Variants in GXYLT2 observed in about 807,000 individuals in gnomAD.
The protein encoded by GXYLT2 is glycosyltransferase 8 domain containing 4.
In GXYLT2, 53 loss-of-function variants were observed where a neutral mutation model predicts 45.8. That is an observed-to-expected ratio of 1.16 (90% confidence interval 0.93 to 1.46). The LOEUF (loss-of-function observed/expected upper bound fraction) is 1.46. GXYLT2 is among the 40% of genes most tolerant of loss of function. The pLI is 0.00. For missense variants in GXYLT2, 551 were observed against 544.4 expected, an observed-to-expected ratio of 1.01 and a Z score of -0.12; for synonymous variants, 219 against 214.2, an observed-to-expected ratio of 1.02 and a Z score of -0.19.
intron 1 of GXYLT2, among the ~76,000 whole-genome samples, chr3:72,899,136 T>C (rs1420092223): frequency 6.6e-6 from 1 of 152,200 alleles, no homozygotes; most frequent in Admixed American, 6.5e-5. Flanking sequence ...ATCCTTGCTG[T>C]GACACTTACT....
At chr3:72,931,067 G>T (rs1453960224) in intron 3 of GXYLT2, among the ~76,000 whole-genome samples, 1 of 152,080 alleles carries the variant, frequency 6.6e-6, no homozygotes, top group South Asian at 2.1e-4. Context: ...ACCATATGTT[G>T]TACCATAAAA....
chr3:72,904,988 G>T (rs1459249457), intron 1 of GXYLT2, among the ~76,000 whole-genome samples: 1 of 145,424 alleles, frequency 6.9e-6, no homozygotes, highest in Non-Finnish European at 1.5e-5. Flanking sequence ...AATGGAGGTT[G>T]CAGTGAGCTG....
At chr3:72,909,381 C>A (rs1160680940) in intron 2 of GXYLT2, among the ~76,000 whole-genome samples, 1 of 151,122 alleles carries the variant, frequency 6.6e-6, no homozygotes, top group Non-Finnish European at 1.5e-5. Flanking sequence ...GTTTTTTTTT[C>A]CCCATATATA....
intron 6 of GXYLT2, among the ~76,000 whole-genome samples, chr3:72,968,775 A>T (rs1253431632): frequency 6.6e-6 from 1 of 151,732 alleles, no homozygotes; most frequent in South Asian, 2.1e-4. Flanking sequence ...AAAATACAAA[A>T]ATTAGGCTTG....
At chr3:72,935,185 TAAAG>T (rs1428921262) in intron 3 of GXYLT2, among the ~76,000 whole-genome samples, 1 of 152,080 alleles carries the variant, frequency 6.6e-6, no homozygotes, top group Non-Finnish European at 1.5e-5. Flanking sequence ...CAATATGTAT[TAAAG>T]AAGCATGGGA....
rs946986828 is a variant in GXYLT2 at position 72,929,046 on chromosome 3, C to G, written c.600+6711C>G. The G allele has an allele frequency of 8.3e-6, 13 of 1,566,666 alleles. No homozygotes were observed. The African/African-American group carries it at 1.1e-4, about 13-fold the overall frequency. ...CGCCTCTCCTTAGCCGCCGCCGTGA[C>G]GACCGCGTCCACCTCGCAGGTGCGC... On this transcript the variant is annotated intron_variant, in intron 3 of 6. Transcript: ENST00000389617.
intron 5 of GXYLT2, among the ~76,000 whole-genome samples, chr3:72,960,494 C>G (rs1710747180): frequency 6.6e-6 from 1 of 152,216 alleles, no homozygotes; most frequent in Non-Finnish European, 1.5e-5. Context: ...CTTCACTCTC[C>G]ATCTGAGATC....
chr3:72,922,841 C>T (rs1162162814), intron 3 of GXYLT2, among the ~76,000 whole-genome samples: 4 of 152,138 alleles, frequency 2.6e-5, no homozygotes, highest in African/African-American at 7.2e-5. Flanking sequence ...ATCTTGAGGC[C>T]GGCATGGCGG....
At position 72,908,422 on chromosome 3, in the gene GXYLT2, C is replaced by T. The variant is rs1709549082; in HGVS notation, c.331C>T (p.His111Tyr). 6.2e-7 allele frequency: 1 copy of T among 1,613,888 alleles called. No homozygotes were observed. The highest frequency in any genetic ancestry group is 8.5e-7 in the Non-Finnish European group (1 of 1,179,858). The change falls in exon 2 of 7, where the codon CAC (histidine) becomes TAC (tyrosine). Residue 111 changes from histidine to tyrosine, a missense_variant. Physicochemically the swap from His to Tyr is moderately conservative, Grantham distance 83. Transcript: ENST00000389617. Reference sequence around the variant, plus strand: ...TGTGCTGCCACCCGAGCTCTGGATCCACCTGGCTGTGGTGGCCTGTGGCAA... The same window carrying T: ...TGTGCTGCCACCCGAGCTCTGGATCTACCTGGCTGTGGTGGCCTGTGGCAA... ...QAVLPPELWI[H>Y]LAVVACGNRL... is the part of the protein sequence containing the mutation.
intron 2 of GXYLT2, among the ~76,000 whole-genome samples, chr3:72,915,828 G>A (rs1017567873): frequency 2.0e-5 from 3 of 150,550 alleles, no homozygotes; most frequent in Non-Finnish European, 4.4e-5. Context: ...GGGAGACCCT[G>A]TCTCAAAAAA....
intron 3 of GXYLT2, among the ~76,000 whole-genome samples, chr3:72,949,507 T>C (rs1057398225): frequency 2.8e-5 from 3 of 108,880 alleles, no homozygotes; most frequent in African/African-American, 1.2e-4. Context: ...TTTTTCTTTT[T>C]TTTTTTTTTT....
At chr3:72,902,994 A>G (rs906316199) in intron 1 of GXYLT2, among the ~76,000 whole-genome samples, 6 of 152,236 alleles carry the variant, frequency 3.9e-5, no homozygotes, top group Non-Finnish European at 8.8e-5. Context: ...CCTTTGCCAC[A>G]GGGTGAGACT....
chr3:72,928,925 G>T, intron 3 of GXYLT2: 2 of 711,592 alleles, frequency 2.8e-6, no homozygotes, highest in Non-Finnish European at 2.5e-6. Context: ...CCCCCATCCC[G>T]GCCGGCCGCC....
intron 1 of GXYLT2, among the ~76,000 whole-genome samples, chr3:72,906,286 G>A (rs1230340584): frequency 6.6e-6 from 1 of 152,066 alleles, no homozygotes; most frequent in Admixed American, 6.6e-5. Flanking sequence ...CCTTTGTTCT[G>A]CTGTCCCCTC....
At chr3:72,888,820 T>G (rs1466474377) in intron 1 of GXYLT2, among the ~76,000 whole-genome samples, 1 of 152,232 alleles carries the variant, frequency 6.6e-6, no homozygotes, top group Non-Finnish European at 1.5e-5. Context: ...GTTTAATTTG[T>G]CAAAAGCCAT....
rs779353758 is a variant in GXYLT2, at chr3:72,967,618, G to C, written c.1048G>C (p.Glu350Gln). Residue 350 changes from glutamate to glutamine, a missense_variant, in exon 6 of 7, where the codon GAG (glutamate) becomes CAG (glutamine). Coordinates refer to ENST00000389617, the MANE Select transcript of GXYLT2 (RefSeq NM_001080393.2). ...CTGCATGTACGGAAGCAACTGCAGA[G>C]AGGCTGAGCATGAAGGTGTGTCTGT... is the stretch of plus-strand genomic sequence containing the variant. Reference protein sequence around the residue: ...DHCMYGSNCREAEHEGVSVLH... With the variant: ...DHCMYGSNCRQAEHEGVSVLH... The C allele has an allele frequency of 1.2e-6, 2 of 1,613,948 alleles. No homozygotes were observed. The highest frequency in any genetic ancestry group is 1.7e-6 in the Non-Finnish European group (2 of 1,179,850).
At chr3:72,951,656 T>A (rs1710528084) in intron 3 of GXYLT2, among the ~76,000 whole-genome samples, 2 of 152,168 alleles carry the variant, frequency 1.3e-5, no homozygotes, top group Non-Finnish European at 2.9e-5. Flanking sequence ...GATGTACCCT[T>A]AGGGCTACTT....
At chr3:72,970,188 TA>T (rs1398685596) in intron 6 of GXYLT2, among the ~76,000 whole-genome samples, 2 of 149,520 alleles carry the variant, frequency 1.3e-5, no homozygotes, top group Non-Finnish European at 3.0e-5. Context: ...CCATCTCTAC[TA>T]AAAATACAAA....
chr3:72,914,505 A>G lies in GXYLT2; in HGVS notation c.468+5946A>G, dbSNP rs572059127. ...GGCCAGTATATATATGTATGTTTTT[A>G]TATATATATATTTACATATATATGT... On this transcript the variant is annotated intron_variant, in intron 2 of 6. Coordinates refer to ENST00000389617, the MANE Select transcript of GXYLT2 (RefSeq NM_001080393.2). Among the ~76,000 whole-genome samples, 13 of 149,974 alleles carry G rather than the reference A, an allele frequency of 8.7e-5. No individual in the cohort carries two copies. The South Asian group carries it at 2.5e-3, about 29-fold the overall frequency.
Sources: allele counts gnomAD v4.1 joint callset (sites outside exome capture counted in the v4.1 genomes callset), GRCh38; gene constraint gnomAD v4.1.1; transcripts MANE v1.5; gene names NCBI Gene and HGNC (gene_info 2026-07-23, HGNC 2026-07-21).